Variants in CNTN2 observed in about 807,000 individuals in gnomAD.
The protein encoded by CNTN2 is contactin-2.
CNTN2 carries 53 observed loss-of-function variants against 117.5 expected under a neutral mutation model. The observed-to-expected ratio is 0.45, with a 90% CI of 0.36 to 0.57. The LOEUF is 0.57. Ranked by LOEUF, CNTN2 falls within the 20% of genes least tolerant of loss-of-function variation. CNTN2 has a pLI of 0.00. For synonymous variants in CNTN2, 530 were observed against 561.7 expected, an observed-to-expected ratio of 0.94 and a Z score of 0.80; for missense variants, 1,106 against 1,404.3, an observed-to-expected ratio of 0.79 and a Z score of 3.39.
intron 12 of CNTN2, 82 bp downstream of exon 12, chr1:205,064,832 A>G: frequency 6.4e-7 from 1 of 1,566,034 alleles, no homozygotes; most frequent in Non-Finnish European, 8.7e-7. Context: ...CTGTGTCCAC[A>G]TTGCTCCTAG....
Position 205,065,977 on chromosome 1 carries a change from C to G in CNTN2, c.1816+68C>G, listed in dbSNP as rs1244342870. 8 of 1,513,774 alleles carry G rather than the reference C, an allele frequency of 5.3e-6. No individual in the cohort carries two copies. The East Asian group carries it at 1.8e-4, about 35-fold the overall frequency. The allele number at this position is 1,513,774 out of a possible 1,614,324, so 93.8% of individuals were successfully genotyped here. ...AACCCAGCTGGGCTGTTCTGACCTG[C>G]TCGCCTCATCTCCCCTCCCTTCCCT... On this transcript the variant is annotated intron_variant, in intron 14 of 22. Transcript: ENST00000331830. The surrounding 1 kb of genome is among the most constrained non-coding windows in gnomAD (Gnocchi z 4.1).
intron 1 of CNTN2, among the ~76,000 whole-genome samples, chr1:205,051,955 C>T (rs1008368713): frequency 1.3e-5 from 2 of 152,200 alleles, no homozygotes; most frequent in Non-Finnish European, 2.9e-5. Flanking sequence ...CATTCCCAAG[C>T]CCTTGGCCAC....
At position 205,064,477 on chromosome 1, in the gene CNTN2, C is replaced by A. The variant is rs1315110793; in HGVS notation, c.1391+5C>A. On this transcript the variant is annotated splice_donor_5th_base_variant and intron_variant, in intron 11 of 22. Transcript: ENST00000331830. Reference sequence around the variant, plus strand: ...GATTTTGGTCAACAGCAGCAGGTACCACCCACACCCCACCCTGCACAGTTC... The same window carrying A: ...GATTTTGGTCAACAGCAGCAGGTACAACCCACACCCCACCCTGCACAGTTC... The A allele has an allele frequency of 6.2e-7, 1 of 1,604,070 alleles. No homozygotes were observed. Among genetic ancestry groups the A allele is most frequent in the South Asian group, 1.1e-5 (1 of 90,432 alleles).
chr1:205,070,652 G>A (rs936234448), intron 19 of CNTN2, 114 bp downstream of exon 19: 4 of 722,318 alleles, frequency 5.5e-6, no homozygotes, highest in Non-Finnish European at 9.6e-6. Flanking sequence ...TCGCTGACAT[G>A]GCAAACTGAG....
In CNTN2 at chr1:205,057,778, T is replaced by A. The variant is rs1010597918; in HGVS notation, c.71-143T>A. On this transcript the variant is annotated intron_variant, in intron 2 of 22. Transcript: ENST00000331830. ...ATGTCAAGTGCTCGATAGCCCTACGTGGCTAGTGGTTACCACATTGAACAG... is the reference window on the plus strand; with the variant it reads ...ATGTCAAGTGCTCGATAGCCCTACGAGGCTAGTGGTTACCACATTGAACAG... 1.1e-5 allele frequency: 9 copies of A among 847,780 alleles called. No individual in the cohort carries two copies. In the East Asian group the frequency reaches 2.1e-4, roughly 20 times the overall value. The allele number at this position is 847,780 out of a possible 1,614,324, so 52.5% of individuals were successfully genotyped here.
rs1653799551 is a variant in CNTN2 at position 205,058,696 on chromosome 1, G to A, written c.487+33G>A. ...CAGACCTGGGGCCAGGGTTAGAGAG[G>A]GCACAGGAAGGGCTTCCAGATGCTT... On this transcript the variant is annotated intron_variant, in intron 5 of 22. Transcript: ENST00000331830. This position sits in a 1 kb window ranked among gnomAD's most constrained non-coding sequence, Gnocchi z 4.3. The A allele has an allele frequency of 1.3e-6, 2 of 1,535,876 alleles. No homozygotes were observed. Among genetic ancestry groups the A allele is most frequent in the South Asian group, 1.1e-5 (1 of 87,492 alleles).
At chr1:205,056,716 A>T (rs970331197) in intron 2 of CNTN2, among the ~76,000 whole-genome samples, 1 of 152,146 alleles carries the variant, frequency 6.6e-6, no homozygotes, top group East Asian at 1.9e-4. Flanking sequence ...CTCCCACCTG[A>T]CACCGCAGAA....
intron 1 of CNTN2, among the ~76,000 whole-genome samples, chr1:205,049,433 G>A (rs1237302544): frequency 7.0e-6 from 1 of 143,068 alleles, no homozygotes; most frequent in Non-Finnish European, 1.5e-5. Context: ...TATACACAGG[G>A]ACATATAGAC....
At chr1:205,052,995 C>T (rs1003510135) in intron 1 of CNTN2, 105 bp from the exon 2 acceptor site, 13 of 448,988 alleles carry the variant, frequency 2.9e-5, no homozygotes, top group East Asian at 1.4e-4. Context: ...TGGGCAATTC[C>T]GGCAGCTCCC....
chr1:205,045,390 G>A (rs1436859441), intron 1 of CNTN2, among the ~76,000 whole-genome samples: 1 of 152,170 alleles, frequency 6.6e-6, no homozygotes, highest in Non-Finnish European at 1.5e-5. Context: ...CATGTGGGAT[G>A]GGCCTCCGAG....
Position 205,059,182 on chromosome 1 carries a change from C to A in CNTN2, c.586C>A (p.Arg196=), listed in dbSNP as rs537026414. 2 of 1,614,070 alleles carry A rather than the reference C, an allele frequency of 1.2e-6. No individual in the cohort carries two copies. Among genetic ancestry groups the A allele is most frequent in the Non-Finnish European group, 1.7e-6 (2 of 1,180,034 alleles). Residue 196 remains arginine, a synonymous_variant, in exon 6 of 23, where the codon CGA becomes AGA. Transcript: ENST00000331830. This position sits in a 1 kb window ranked among gnomAD's most constrained non-coding sequence, Gnocchi z 5.6. ...GACCACAGGGAACCTGTACATTGCCCGAACCAATGCCTCAGACCTGGGCAA... is the reference window on the plus strand; with the variant it reads ...GACCACAGGGAACCTGTACATTGCCAGAACCAATGCCTCAGACCTGGGCAA... ...SQTTGNLYIA[R]TNASDLGNYS... is the part of the protein sequence containing the mutation.
intron 2 of CNTN2, among the ~76,000 whole-genome samples, chr1:205,054,153 T>A (rs2096457297): frequency 6.6e-6 from 1 of 152,170 alleles, no homozygotes; most frequent in African/African-American, 2.4e-5. Context: ...AATAGATGCT[T>A]CTTTTCTCCT....
intron 2 of CNTN2, 135 bp from the exon 3 acceptor site, chr1:205,057,786 G>A: frequency 2.9e-6 from 3 of 1,038,278 alleles, no homozygotes; most frequent in Non-Finnish European, 4.2e-6. Flanking sequence ...CGTGGCTAGT[G>A]GTTACCACAT....
intron 1 of CNTN2, among the ~76,000 whole-genome samples, chr1:205,046,085 C>G (rs1304192117): frequency 6.6e-6 from 1 of 152,182 alleles, no homozygotes. Context: ...GAGGCTGTTG[C>G]TAACCTGGAA....
At position 205,061,095 on chromosome 1, in the gene CNTN2, G is replaced by A; in HGVS notation, c.798-150G>A. The stretch of plus-strand genomic sequence containing the variant: ...CCGAGCCTACCTGGGAGAGGAGAGT[G>A]AGGATCAGCCAGAAGGCACCCTCTC... On this transcript the variant is annotated intron_variant, in intron 7 of 22. Coordinates refer to ENST00000331830, the MANE Select transcript of CNTN2 (RefSeq NM_005076.5). The surrounding 1 kb of genome is among the most constrained non-coding windows in gnomAD (Gnocchi z 4.8). 2 of 821,404 alleles carry A rather than the reference G, an allele frequency of 2.4e-6. No individual in the cohort carries two copies. Among genetic ancestry groups the A allele is most frequent in the South Asian group, 1.9e-5 (1 of 53,344 alleles). The allele number at this position is 821,404 out of a possible 1,614,324, so 50.9% of individuals were successfully genotyped here.
chr1:205,073,574 CT>C lies in CNTN2; in HGVS notation c.3014-80del. 2 of 1,308,714 alleles carry C rather than the reference CT, an allele frequency of 1.5e-6. No individual in the cohort carries two copies. The highest frequency in any genetic ancestry group is 2.5e-5 in the South Asian group (2 of 80,610). 81.1% of individuals were successfully genotyped at this position (1,308,714 alleles called of 1,614,324 possible). On this transcript the variant is annotated intron_variant, in intron 22 of 22. Transcript: ENST00000331830. This position sits in a 1 kb window ranked among gnomAD's most constrained non-coding sequence, Gnocchi z 6.3. ...GCCTGCAGCTGGCCCTGTGAGTCTC[CT>C]TAGGAAAGGTCTCAATCTTGCCACA...
rs111729063 is a variant in CNTN2 at position 205,071,806 on chromosome 1, T to C, written c.2545-141T>C. The stretch of plus-strand genomic sequence containing the variant: ...CATGGCCCTGCTGTCTGGGTGCTCA[T>C]GATCTAGTCTCCAGGTTCTGAGGCC... On this transcript the variant is annotated intron_variant, in intron 19 of 22. Coordinates refer to ENST00000331830, the MANE Select transcript of CNTN2 (RefSeq NM_005076.5). 4.0e-3 allele frequency: 2,831 copies of C among 712,250 alleles called. 62 individuals carry two copies. In the African/African-American group the frequency reaches 0.046, roughly 12 times the overall value. 44.1% of individuals were successfully genotyped at this position (712,250 alleles called of 1,614,324 possible).
intron 19 of CNTN2, among the ~76,000 whole-genome samples, chr1:205,071,609 C>G (rs1654596286): frequency 6.6e-6 from 1 of 152,194 alleles, no homozygotes; most frequent in Non-Finnish European, 1.5e-5. Flanking sequence ...TACAAATAAG[C>G]ATTTTCTGTC....
At chr1:205,046,898 T>C (rs1265037562) in intron 1 of CNTN2, among the ~76,000 whole-genome samples, 1 of 152,168 alleles carries the variant, frequency 6.6e-6, no homozygotes, top group African/African-American at 2.4e-5. Context: ...TGGAAGCCTC[T>C]CTTCTTCTGT....
Sources: gnomAD v4.1 joint callset for allele counts (sites outside exome capture counted in the v4.1 genomes callset) on GRCh38, gnomAD v4.1.1 for gene constraint, Gnocchi (gnomAD v3.1) non-coding constraint, MANE v1.5 for transcripts, NCBI Gene and HGNC (gene_info 2026-07-23, HGNC 2026-07-21) for gene names.